TSPEAR: variants seen among roughly 807,000 people sequenced by gnomAD.
TSPEAR encodes thrombospondin-type laminin G domain and EAR repeat-containing protein.
In TSPEAR, 69 loss-of-function variants were observed where a neutral mutation model predicts 71.6. The ratio of observed to expected loss-of-function variants is 0.96; its 90% CI spans 0.79 to 1.18. TSPEAR has a LOEUF of 1.18. Ranked by LOEUF, TSPEAR falls within the 50% of genes most tolerant of loss-of-function variation. TSPEAR has a pLI of 0.00. For missense variants in TSPEAR, 971 were observed against 894.9 expected (o/e 1.09, Z -1.09); for synonymous variants, 402 against 387.2 (o/e 1.04, Z -0.45).
intron 1 of TSPEAR, chr21:44,592,126 C>T (rs782056909): frequency 1.4e-6 from 2 of 1,478,032 alleles, no homozygotes; most frequent in Admixed American, 3.7e-5. Flanking sequence ...CACAGGCTTG[C>T]AGCAGACAGT....
chr21:44,658,182 C>G (rs1368894930), intron 1 of TSPEAR: 8 of 1,614,034 alleles, frequency 5.0e-6, no homozygotes, highest in Non-Finnish European at 6.8e-6. Flanking sequence ...TATGTGACTC[C>G]CTCTTGCCAA....
rs587745066 is a variant in TSPEAR, at chr21:44,522,435, C to T, written c.1337-323G>A. Among the ~76,000 whole-genome samples, 280 of 152,330 alleles carry T rather than the reference C, an allele frequency of 1.8e-3. 2 individuals are homozygous for T. Among genetic ancestry groups the T allele is most frequent in the Non-Finnish European group, 3.1e-3 (211 of 68,026 alleles). On this transcript the variant is annotated intron_variant, in intron 8 of 11. Transcript: ENST00000323084. The stretch of plus-strand genomic sequence containing the variant: ...CGTGTCCTGGCCCCGCTGCCCACGG[C>T]TCTCCAGCATCCCCACAGGCCAGGC...
In TSPEAR at chr21:44,601,657, G is replaced by A. The variant is rs1377450090; in HGVS notation, c.83-33652C>T. On this transcript the variant is annotated intron_variant, in intron 1 of 11. Coordinates refer to ENST00000323084, the MANE Select transcript of TSPEAR (RefSeq NM_144991.3). ...CAGCTGCTGCCGCCCAGCCTCCTGT[G>A]TGTCTCTCCTTTGCCGCCCCGCATG... 3.7e-6 allele frequency: 6 copies of A among 1,612,618 alleles called. No individual in the cohort carries two copies. The Admixed American group carries it at 6.7e-5, about 18-fold the overall frequency.
chr21:44,674,644 G>C lies in TSPEAR; in HGVS notation c.82+36789C>G, dbSNP rs368351660. On this transcript the variant is annotated intron_variant, in intron 1 of 11. Transcript: ENST00000323084. ...AGGTGGGAAGATCACCTGAGCCCAG[G>C]AGGTGGAGGCTGTGGTGAGCCATGA... is the stretch of plus-strand genomic sequence containing the variant. 3.3e-5 allele frequency among the ~76,000 whole-genome samples: 5 copies of C among 152,210 alleles called. 1 individual carries two copies.
At position 44,642,285 on chromosome 21, in the gene TSPEAR, T is replaced by C. The variant is rs2146229975; in HGVS notation, c.82+69148A>G. 6.6e-6 allele frequency among the ~76,000 whole-genome samples: 1 copy of C among 152,306 alleles called. No individual in the cohort carries two copies. The highest frequency in any genetic ancestry group is 2.1e-4 in the South Asian group (1 of 4,830). ...AAGGCAGACTCAGATGTTTCAAAGATGTATACCATCAGCCTTCAATACAAA... is the reference window on the plus strand; with the variant it reads ...AAGGCAGACTCAGATGTTTCAAAGACGTATACCATCAGCCTTCAATACAAA... On this transcript the variant is annotated intron_variant, in intron 1 of 11. Transcript: ENST00000323084. The surrounding 1 kb of genome is among the most constrained non-coding windows in gnomAD (Gnocchi z 4.1).
Position 44,612,753 on chromosome 21 carries a change from G to A in TSPEAR, c.83-44748C>T, listed in dbSNP as rs370087467. On this transcript the variant is annotated intron_variant, in intron 1 of 11. Coordinates refer to ENST00000323084, the MANE Select transcript of TSPEAR (RefSeq NM_144991.3). The surrounding 1 kb of genome is among the most constrained non-coding windows in gnomAD (Gnocchi z 4.1). ...TCCCTCCTCTGCCGCCCTGTGTGCC[G>A]GCCTGCCTGCTGTGTGCCTGTCCCC... 84 of 1,612,906 alleles carry A rather than the reference G, an allele frequency of 5.2e-5. No homozygotes were observed. The highest frequency in any genetic ancestry group is 6.7e-5 in the East Asian group (3 of 44,840).
At chr21:44,650,121 T>C (rs1316291518) in intron 1 of TSPEAR, among the ~76,000 whole-genome samples, 1 of 151,416 alleles carries the variant, frequency 6.6e-6, no homozygotes, top group African/African-American at 2.4e-5. Context: ...GCTACTTTGG[T>C]GGGAAGACGG....
intron 1 of TSPEAR, among the ~76,000 whole-genome samples, chr21:44,661,321 C>T (rs1011445115): frequency 2.4e-4 from 35 of 146,936 alleles, no homozygotes; most frequent in Non-Finnish European, 4.0e-4. Flanking sequence ...AACTAATTGA[C>T]TGTCCAGAGC....
At chr21:44,677,277 T>C in intron 1 of TSPEAR, 1 of 758,350 alleles carries the variant, frequency 1.3e-6, no homozygotes, top group Non-Finnish European at 2.4e-6. Context: ...CTTTCTGTGT[T>C]CCTTCAACGC....
intron 1 of TSPEAR, among the ~76,000 whole-genome samples, chr21:44,700,917 T>C (rs1261228040): frequency 2.6e-5 from 4 of 151,628 alleles, no homozygotes; most frequent in African/African-American, 9.7e-5. Flanking sequence ...GCCCATAGGG[T>C]GATATTCCAA....
intron 1 of TSPEAR, among the ~76,000 whole-genome samples, chr21:44,597,396 T>C (rs1256170353): frequency 6.6e-6 from 1 of 151,866 alleles, no homozygotes; most frequent in African/African-American, 2.4e-5. Flanking sequence ...CTTGTTACTT[T>C]CAAGCTTTCT....
intron 9 of TSPEAR, among the ~76,000 whole-genome samples, chr21:44,514,123 C>T (rs1452917962): frequency 6.6e-6 from 1 of 152,224 alleles, no homozygotes; most frequent in Admixed American, 6.5e-5. Context: ...CTGGAGCCCT[C>T]CCGCCCAGGC....
At chr21:44,603,268 T>C (rs1393362207) in intron 1 of TSPEAR, among the ~76,000 whole-genome samples, 1 of 152,146 alleles carries the variant, frequency 6.6e-6, no homozygotes, top group African/African-American at 2.4e-5. Context: ...CCCCGGCCCC[T>C]GTGCAGAAGA....
intron 1 of TSPEAR, chr21:44,637,409 C>T (rs587680756): frequency 1.3e-6 from 2 of 1,596,864 alleles, no homozygotes; most frequent in East Asian, 4.5e-5. Flanking sequence ...ACCGCCTCCC[C>T]ACTCCAGCAT....
chr21:44,590,296 G>C (rs1394133131), intron 1 of TSPEAR, among the ~76,000 whole-genome samples: 1 of 152,244 alleles, frequency 6.6e-6, no homozygotes, highest in Non-Finnish European at 1.5e-5. Flanking sequence ...GACCACGTCT[G>C]AGTGCCAGAG....
intron 2 of TSPEAR, among the ~76,000 whole-genome samples, chr21:44,563,167 TGAA>T (rs587609869): frequency 1.3e-3 from 190 of 151,930 alleles, no homozygotes; most frequent in African/African-American, 4.4e-3. Context: ...CAGGAAAAAA[TGAA>T]GAGAATCAGA....
Position 44,688,908 on chromosome 21 carries a change from C to T in TSPEAR, c.82+22525G>A, listed in dbSNP as rs569458383. On this transcript the variant is annotated intron_variant, in intron 1 of 11. Transcript: ENST00000323084. ...CCCTGGCCAGGACCCCTAAAGGCCC[C>T]GAGGGGCACCAGGCACAGTTCTCTC... 3.9e-5 allele frequency among the ~76,000 whole-genome samples: 6 copies of T among 152,196 alleles called. No individual in the cohort carries two copies. The South Asian group carries it at 8.3e-4, about 21-fold the overall frequency.
At chr21:44,556,289 T>C (rs1163670470) in intron 2 of TSPEAR, among the ~76,000 whole-genome samples, 1 of 151,498 alleles carries the variant, frequency 6.6e-6, no homozygotes, top group Non-Finnish European at 1.5e-5. Context: ...GGGAGAAGAA[T>C]AGCTTGAACC....
Position 44,627,273 on chromosome 21 carries a change from C to G in TSPEAR, c.83-59268G>C, listed in dbSNP as rs782750432. ...GCTGTGAGCCCCCCTGCTGCGCCACCAGCTGCTGCGCCCCGGCCCCCTGCC... is the reference window on the plus strand; with the variant it reads ...GCTGTGAGCCCCCCTGCTGCGCCACGAGCTGCTGCGCCCCGGCCCCCTGCC... On this transcript the variant is annotated intron_variant, in intron 1 of 11. Transcript: ENST00000323084. 9 of 1,612,634 alleles carry G rather than the reference C, an allele frequency of 5.6e-6. No homozygotes were observed. In the South Asian group the frequency reaches 9.9e-5, roughly 18 times the overall value.
Sources: allele counts gnomAD v4.1 joint callset (sites outside exome capture counted in the v4.1 genomes callset), GRCh38; gene constraint gnomAD v4.1.1; non-coding constraint Gnocchi (gnomAD v3.1); transcripts MANE v1.5; gene names NCBI Gene and HGNC (gene_info 2026-07-23, HGNC 2026-07-21).